ANKH: variants seen among roughly 807,000 people sequenced by gnomAD.
ANKH encodes the protein ANKH inorganic pyrophosphate transport regulator.
A neutral mutation model predicts 49.0 loss-of-function variants in ANKH; 15 were observed. The observed-to-expected ratio is 0.31, with a 90% confidence interval of 0.20 to 0.47. The LOEUF (loss-of-function observed/expected upper bound fraction) is 0.47. Ranked by LOEUF, ANKH falls within the 20% of genes least tolerant of loss-of-function variation. The pLI is 1.00. For synonymous variants in ANKH, 273 were observed against 260.0 expected (o/e 1.05, Z -0.48); for missense variants, 429 against 652.0 (o/e 0.66, Z 3.72).
At chr5:14,844,919 G>T (rs1217168419) in intron 1 of ANKH, among the ~76,000 whole-genome samples, 1 of 151,858 alleles carries the variant, frequency 6.6e-6, no homozygotes, top group Non-Finnish European at 1.5e-5. Flanking sequence ...CATAGGGTTG[G>T]TATCAACTTT....
intron 9 of ANKH, among the ~76,000 whole-genome samples, chr5:14,715,098 A>G (rs902814076): frequency 6.6e-6 from 1 of 152,232 alleles, no homozygotes; most frequent in Non-Finnish European, 1.5e-5. Context: ...CCGTTCCATC[A>G]GCCCTGGCCT....
intron 1 of ANKH, among the ~76,000 whole-genome samples, chr5:14,800,780 A>T (rs1389647843): frequency 2.8e-5 from 4 of 143,260 alleles, no homozygotes; most frequent in African/African-American, 1.1e-4. Context: ...AGGTTGGAGT[A>T]CAGTGATGTG....
At chr5:14,792,175 G>A (rs1420057988) in intron 1 of ANKH, among the ~76,000 whole-genome samples, 1 of 152,168 alleles carries the variant, frequency 6.6e-6, no homozygotes, top group Non-Finnish European at 1.5e-5. Flanking sequence ...AAGCGTGCAT[G>A]GAGTGGAGAG....
chr5:14,721,677 A>AT (rs1402397489), intron 8 of ANKH, among the ~76,000 whole-genome samples: 12 of 152,168 alleles, frequency 7.9e-5, no homozygotes, highest in African/African-American at 2.7e-4. Flanking sequence ...CATGCCTGTA[A>AT]TCCAGCACTT....
chr5:14,749,390 G>A (rs1298719985), intron 5 of ANKH, 84 bp from the exon 6 acceptor site: 37 of 1,482,696 alleles, frequency 2.5e-5, no homozygotes, highest in East Asian at 6.8e-5. Flanking sequence ...CTTTTCCTTC[G>A]TATGTTAATC....
At chr5:14,798,483 C>CCT in intron 1 of ANKH, 1 of 1,008,462 alleles carries the variant, frequency 9.9e-7, no homozygotes. Flanking sequence ...TCTGCGCACG[C>CCT]GGTCTCTATT....
rs986901576 is a variant in ANKH, at chr5:14,744,767, C to T, written c.915+1103G>A. Among the ~76,000 whole-genome samples the T allele has an allele frequency of 1.2e-4, 19 of 152,184 alleles. 1 individual carries two copies. The highest frequency in any genetic ancestry group is 2.9e-5 in the Non-Finnish European group (2 of 68,026). Reference sequence around the variant, plus strand: ...AGAGGGGGTCCCCAGGTCCCTGCTCCGCAGGCCTCGCCCCTCTCAGAACCC... The same window carrying T: ...AGAGGGGGTCCCCAGGTCCCTGCTCTGCAGGCCTCGCCCCTCTCAGAACCC... On this transcript the variant is annotated intron_variant, in intron 7 of 11. Coordinates refer to ENST00000284268, the MANE Select transcript of ANKH (RefSeq NM_054027.6).
At chr5:14,784,014 C>A (rs900987969) in intron 1 of ANKH, among the ~76,000 whole-genome samples, 3 of 152,254 alleles carry the variant, frequency 2.0e-5, no homozygotes, top group Non-Finnish European at 4.4e-5. Flanking sequence ...TTGTCCTCCA[C>A]CTTGCCCTCA....
At chr5:14,827,709 T>C (rs986926763) in intron 1 of ANKH, among the ~76,000 whole-genome samples, 4 of 152,108 alleles carry the variant, frequency 2.6e-5, no homozygotes, top group Non-Finnish European at 5.9e-5. Flanking sequence ...TTTTGGACCT[T>C]TGTTGTATTT....
rs1341802134 is a variant in ANKH, at chr5:14,711,178, G to C, written c.*19C>G. The stretch of plus-strand genomic sequence containing the variant: ...CATCCTGACTGACTGTCCCTGCAGT[G>C]CCCATGGCGTCCCGTGCCTTATTCA... On this transcript the variant is annotated 3_prime_UTR_variant, in exon 12 of 12. Coordinates refer to ENST00000284268, the MANE Select transcript of ANKH (RefSeq NM_054027.6). 1.3e-6 allele frequency: 2 copies of C among 1,583,944 alleles called. No individual in the cohort carries two copies. The highest frequency in any genetic ancestry group is 3.3e-5 in the Admixed American group (2 of 59,980).
rs771338338 is a variant in ANKH at position 14,709,813 on chromosome 5, CGTATT to C, written c.*1379_*1383del. 2 of 152,428 alleles carry C rather than the reference CGTATT, an allele frequency of 1.3e-5. No individual in the cohort carries two copies. Among genetic ancestry groups the C allele is most frequent in the Admixed American group, 6.6e-5 (1 of 15,258 alleles). The allele number at this position is 152,428 out of a possible 1,614,324, so 9.4% of individuals were successfully genotyped here. ...GTATGTTGAGCACACAAGCAATCACCGTATTGTATTAGAGACATTTTATTGAAAAT... is the reference window on the plus strand; with the variant it reads ...GTATGTTGAGCACACAAGCAATCACCGTATTAGAGACATTTTATTGAAAAT... On this transcript the variant is annotated 3_prime_UTR_variant, in exon 12 of 12. Transcript: ENST00000284268.
chr5:14,795,548 G>A (rs1740347014), intron 1 of ANKH, among the ~76,000 whole-genome samples: 1 of 152,186 alleles, frequency 6.6e-6, no homozygotes, highest in East Asian at 1.9e-4. Context: ...TATAAAGGAT[G>A]CTGCAAAAGC....
chr5:14,825,508 T>C (rs149720327), intron 1 of ANKH, among the ~76,000 whole-genome samples: 641 of 152,232 alleles, frequency 4.2e-3, no homozygotes, highest in Middle Eastern at 0.01. Flanking sequence ...TGCACCACCA[T>C]GCCTGATTAA....
intron 1 of ANKH, among the ~76,000 whole-genome samples, chr5:14,813,810 G>C (rs1001153022): frequency 6.6e-6 from 1 of 152,094 alleles, no homozygotes; most frequent in African/African-American, 2.4e-5. Context: ...TCCATCTTCA[G>C]AACCCATTAA....
At chr5:14,823,332 T>C (rs1741248100) in intron 1 of ANKH, among the ~76,000 whole-genome samples, 1 of 152,190 alleles carries the variant, frequency 6.6e-6, no homozygotes, top group Admixed American at 6.5e-5. Flanking sequence ...AATATCAGTG[T>C]CTCTATCTCT....
chr5:14,758,717 A>G lies in ANKH; in HGVS notation c.314-119T>C, dbSNP rs556318736. 56 of 820,358 alleles carry G rather than the reference A, an allele frequency of 6.8e-5. 1 individual carries two copies. The highest frequency in any genetic ancestry group is 2.5e-4 in the Admixed American group (13 of 52,216). 50.8% of individuals were successfully genotyped at this position (820,358 alleles called of 1,614,324 possible). ...AGTATTTGTTCGTCATAGAAAAATT[A>G]GATAAGCAAATAGAAAAAAATCATC... On this transcript the variant is annotated intron_variant, in intron 2 of 11. Transcript: ENST00000284268.
At chr5:14,786,777 TAA>T (rs1203674890) in intron 1 of ANKH, among the ~76,000 whole-genome samples, 1 of 152,170 alleles carries the variant, frequency 6.6e-6, no homozygotes, top group Non-Finnish European at 1.5e-5. Flanking sequence ...GTATTATAAT[TAA>T]AAGTGTGACA....
intron 3 of ANKH, among the ~76,000 whole-genome samples, chr5:14,756,794 G>A (rs1405324757): frequency 1.3e-5 from 2 of 152,092 alleles, no homozygotes; most frequent in Admixed American, 6.5e-5. Context: ...GGGGTGAGGG[G>A]GTGGGGAGGG....
At chr5:14,830,077 T>C (rs1275821949) in intron 1 of ANKH, among the ~76,000 whole-genome samples, 1 of 152,192 alleles carries the variant, frequency 6.6e-6, no homozygotes, top group Non-Finnish European at 1.5e-5. Context: ...GTGTTTTACC[T>C]TGGAAAGCAC....
Sources: gnomAD v4.1 joint callset for allele counts (sites outside exome capture counted in the v4.1 genomes callset) on GRCh38, gnomAD v4.1.1 for gene constraint, MANE v1.5 for transcripts, NCBI Gene and HGNC (gene_info 2026-07-23, HGNC 2026-07-21) for gene names.